The following TRPM6 variants were observed in gnomAD, a reference collection of about 807,000 sequenced individuals.
TRPM6 encodes the protein transient receptor potential cation channel subfamily M member 6, also known as channel kinase 2.
TRPM6 carries 111 observed loss-of-function variants against 247.6 expected under a neutral mutation model. The ratio of observed to expected loss-of-function variants is 0.45; its 90% CI spans 0.38 to 0.52. The LOEUF (loss-of-function observed/expected upper bound fraction) is 0.52, where lower values mean the gene tolerates loss of function less well. TRPM6 is among the 20% of genes least tolerant of loss of function. The pLI is 0.00. For missense variants in TRPM6, 2,126 were observed against 2,421.5 expected, an observed-to-expected ratio of 0.88 and a Z score of 2.56; for synonymous variants, 892 against 853.8, an observed-to-expected ratio of 1.04 and a Z score of -0.78.
intron 6 of TRPM6, 92 bp from the exon 7 acceptor site, chr9:74,828,041 G>T: frequency 7.4e-7 from 1 of 1,343,290 alleles, no homozygotes; most frequent in Non-Finnish European, 1.0e-6. Context: ...TGCTAAAAGA[G>T]TTCCTGTCTA....
At chr9:74,727,341 C>T (rs1431579259) in intron 38 of TRPM6, among the ~76,000 whole-genome samples, 1 of 145,498 alleles carries the variant, frequency 6.9e-6, no homozygotes, top group African/African-American at 2.6e-5. Flanking sequence ...GAAATTGCGC[C>T]ACTGTGCTCC....
At chr9:74,808,584 G>T (rs1001314938) in intron 13 of TRPM6, among the ~76,000 whole-genome samples, 1 of 152,140 alleles carries the variant, frequency 6.6e-6, no homozygotes, top group African/African-American at 2.4e-5. Context: ...TGTATATAGA[G>T]AGTTTTTTAA....
intron 31 of TRPM6, among the ~76,000 whole-genome samples, chr9:74,744,356 T>C (rs1825964516): frequency 6.6e-6 from 1 of 152,120 alleles, no homozygotes; most frequent in Non-Finnish European, 1.5e-5. Flanking sequence ...CAAACATATT[T>C]ATATAGGGAA....
At chr9:74,781,100 G>T (rs1313200938) in intron 23 of TRPM6, among the ~76,000 whole-genome samples, 1 of 152,084 alleles carries the variant, frequency 6.6e-6, no homozygotes, top group Non-Finnish European at 1.5e-5. Flanking sequence ...GTGTGCTCAG[G>T]ATATACAGGA....
At chr9:74,859,920 C>T (rs1460159758) in intron 1 of TRPM6, among the ~76,000 whole-genome samples, 2 of 152,186 alleles carry the variant, frequency 1.3e-5, no homozygotes, top group African/African-American at 4.8e-5. Flanking sequence ...TACTCCCATT[C>T]TACTGTGGAA....
At chr9:74,867,815 A>C (rs1668759062) in intron 1 of TRPM6, among the ~76,000 whole-genome samples, 1 of 151,922 alleles carries the variant, frequency 6.6e-6, no homozygotes, top group Non-Finnish European at 1.5e-5. Flanking sequence ...GAAAAGAAAA[A>C]TTGATACCTC....
At chr9:74,837,596 G>A (rs1002397366) in intron 5 of TRPM6, among the ~76,000 whole-genome samples, 30 of 151,552 alleles carry the variant, frequency 2.0e-4, no homozygotes, top group Non-Finnish European at 1.3e-4. Context: ...ACAGGCGCCC[G>A]CCGCCACACT....
chr9:74,755,343 T>C lies in TRPM6; in HGVS notation c.4906+10A>G, dbSNP rs373889813. On this transcript the variant is annotated intron_variant, in intron 28 of 38. Transcript: ENST00000360774. ...GGTTTTTGGGATCCAAAATTGTAGA[T>C]GTTACATACCTGTGTGACTAAATTT... is the stretch of plus-strand genomic sequence containing the variant. The C allele has an allele frequency of 6.2e-7, 1 of 1,613,994 alleles. No homozygotes were observed.
intron 31 of TRPM6, among the ~76,000 whole-genome samples, chr9:74,746,934 C>T (rs922196711): frequency 5.9e-5 from 9 of 151,838 alleles, no homozygotes; most frequent in African/African-American, 2.2e-4. Context: ...TTCCAGCTTG[C>T]ACGAAGGAAC....
chr9:74,876,557 G>T (rs75863781), intron 1 of TRPM6, among the ~76,000 whole-genome samples: 3,717 of 152,266 alleles, frequency 0.024, 145 homozygotes, highest in African/African-American at 0.082. Flanking sequence ...GAACACAACA[G>T]CTCATAAAAG....
In TRPM6 at chr9:74,878,101, C is replaced by T. The variant is rs188488324; in HGVS notation, c.33+9723G>A. On this transcript the variant is annotated intron_variant, in intron 1 of 38. Coordinates refer to ENST00000360774, the MANE Select transcript of TRPM6 (RefSeq NM_017662.5). ...ACCAACACCACAGCTGGCACCCACA[C>T]GCACACCACCTGCAGGCCTGGGGAC... 2.3e-3 allele frequency among the ~76,000 whole-genome samples: 352 copies of T among 152,248 alleles called. 1 individual carries two copies. Among genetic ancestry groups the T allele is most frequent in the African/African-American group, 7.9e-3 (327 of 41,548 alleles).
chr9:74,799,264 T>C (rs1828214415), intron 17 of TRPM6, among the ~76,000 whole-genome samples: 1 of 152,148 alleles, frequency 6.6e-6, no homozygotes, highest in African/African-American at 2.4e-5. Flanking sequence ...AATTAAAATA[T>C]AAAATACAGA....
intron 37 of TRPM6, among the ~76,000 whole-genome samples, chr9:74,732,016 C>G (rs1825537453): frequency 6.6e-6 from 1 of 152,156 alleles, no homozygotes. Flanking sequence ...CCCTCACTAT[C>G]ACTTCTTTCT....
chr9:74,873,991 G>A (rs1414639392), intron 1 of TRPM6, among the ~76,000 whole-genome samples: 2 of 151,978 alleles, frequency 1.3e-5, no homozygotes, highest in Non-Finnish European at 2.9e-5. Context: ...ATGCTAGCAC[G>A]TTGGGAGGCT....
chr9:74,741,779 G>C (rs1234091420), intron 33 of TRPM6, among the ~76,000 whole-genome samples: 5 of 151,792 alleles, frequency 3.3e-5, no homozygotes, highest in South Asian at 2.1e-4. Flanking sequence ...AATCCCAGCT[G>C]CATGAGAGGC....
intron 14 of TRPM6, among the ~76,000 whole-genome samples, chr9:74,806,582 T>G (rs760496925): frequency 7.9e-5 from 12 of 152,234 alleles, no homozygotes; most frequent in Non-Finnish European, 1.5e-4. Flanking sequence ...ATTATCATAA[T>G]GACCATTATT....
intron 3 of TRPM6, among the ~76,000 whole-genome samples, 168 bp downstream of exon 3, chr9:74,855,359 C>A (rs894812187): frequency 6.6e-6 from 1 of 152,162 alleles, no homozygotes; most frequent in Non-Finnish European, 1.5e-5. Flanking sequence ...TAGTCTATTA[C>A]GTTCGAATAC....
intron 18 of TRPM6, 135 bp from the exon 19 acceptor site, chr9:74,792,905 C>T: frequency 1.2e-6 from 1 of 867,878 alleles, no homozygotes; most frequent in East Asian, 2.7e-5. Flanking sequence ...ACCTGTAATC[C>T]CAGCACTTTG....
intron 1 of TRPM6, among the ~76,000 whole-genome samples, chr9:74,873,407 A>G (rs1428265032): frequency 6.6e-6 from 1 of 152,252 alleles, no homozygotes; most frequent in East Asian, 1.9e-4. Context: ...TGAAGAAGAT[A>G]CTGTATTTCA....
Sources: allele counts gnomAD v4.1 joint callset (sites outside exome capture counted in the v4.1 genomes callset), GRCh38; gene constraint gnomAD v4.1.1; transcripts MANE v1.5; gene names NCBI Gene and HGNC (gene_info 2026-07-23, HGNC 2026-07-21).